Variants in PSEN2 observed in about 807,000 individuals in gnomAD.
PSEN2 encodes the protein presenilin 2, also known as presenilin-2.
Under a neutral mutation model 49.1 loss-of-function variants are expected in PSEN2, and 32 were observed. That is an observed-to-expected ratio of 0.65 (90% CI 0.49 to 0.88). PSEN2 has a LOEUF of 0.88. PSEN2 is among the 40% of genes least tolerant of loss of function. The probability of loss-of-function intolerance (pLI) is 0.00; values close to 1 mark genes in which losing one functional copy is unlikely to be tolerated. For synonymous variants in PSEN2, 255 were observed against 244.0 expected, an observed-to-expected ratio of 1.05 and a Z score of -0.42; for missense variants, 522 against 586.9, an observed-to-expected ratio of 0.89 and a Z score of 1.14.
rs1357870677 is a variant in PSEN2, at chr1:226,883,567, C to G, written c.142-138C>G. The G allele has an allele frequency of 7.5e-6, 6 of 801,446 alleles. No homozygotes were observed. In the East Asian group the frequency reaches 8.0e-5, roughly 11 times the overall value. The allele number at this position is 801,446 out of a possible 1,614,324, so 49.6% of individuals were successfully genotyped here. A position where few individuals can be genotyped will look rare whatever the true frequency, so the allele number is the denominator to read the frequency against. The stretch of plus-strand genomic sequence containing the variant: ...TGTCCTCACAAACTTTTCATATGCC[C>G]TAGTAGCTCATAGACTGCTCCTTAT... On this transcript the variant is annotated intron_variant, in intron 4 of 12. Coordinates refer to ENST00000366783, the MANE Select transcript of PSEN2 (RefSeq NM_000447.3).
At position 226,888,082 on chromosome 1, in the gene PSEN2, G is replaced by A. The variant is rs566651455; in HGVS notation, c.499-9G>A. The A allele has an allele frequency of 6.2e-7, 1 of 1,612,210 alleles. No homozygotes were observed. The highest frequency in any genetic ancestry group is 2.2e-5 in the East Asian group (1 of 44,874). On this transcript the variant is annotated splice_polypyrimidine_tract_variant and intron_variant, in intron 6 of 12. Transcript: ENST00000366783. The stretch of plus-strand genomic sequence containing the variant: ...GACACCTTGTGATCGTGCAATTTCT[G>A]TTGTCTAGTTCATCCATGGCTGGTT...
intron 3 of PSEN2, among the ~76,000 whole-genome samples, chr1:226,879,476 G>T (rs1376514461): frequency 2.6e-5 from 4 of 152,130 alleles, no homozygotes; most frequent in African/African-American, 7.2e-5. Context: ...GCTGCATTAA[G>T]CTCTTACTCC....
chr1:226,893,330 A>C lies in PSEN2; in HGVS notation c.1073-677A>C, dbSNP rs889963253. On this transcript the variant is annotated intron_variant, in intron 11 of 12. Coordinates refer to ENST00000366783, the MANE Select transcript of PSEN2 (RefSeq NM_000447.3). The stretch of plus-strand genomic sequence containing the variant: ...GATCACACCTGGTGGGGGAAGGAGG[A>C]CAGCTGGGGCCAGGAGCAGGAGGGA... Among the ~76,000 whole-genome samples, 26 of 152,340 alleles carry C rather than the reference A, an allele frequency of 1.7e-4. No individual in the cohort carries two copies. The South Asian group carries it at 2.5e-3, about 15-fold the overall frequency.
rs1558155812 is a variant in PSEN2 at position 226,895,490 on chromosome 1, ATCACGTTCGGGC to A, written c.1262_1273del (p.Thr421_Leu424del). Reference sequence around the variant, plus strand: ...GGCGCTGCCCGCCCTCCCCATCTCCATCACGTTCGGGCTCATCTTTTACTTCTCCACGGACAA... The same window carrying A: ...GGCGCTGCCCGCCCTCCCCATCTCCATCATCTTTTACTTCTCCACGGACAA... On this transcript the variant is annotated inframe_deletion, in exon 13 of 13. Transcript: ENST00000366783. 11 of 1,613,628 alleles carry A rather than the reference ATCACGTTCGGGC, an allele frequency of 6.8e-6. No individual in the cohort carries two copies. In the South Asian group the frequency reaches 1.2e-4, roughly 18 times the overall value.
At chr1:226,879,991 G>T (rs1211620290) in intron 3 of PSEN2, among the ~76,000 whole-genome samples, 1 of 152,238 alleles carries the variant, frequency 6.6e-6, no homozygotes, top group Non-Finnish European at 1.5e-5. Flanking sequence ...AGCCGGGGTT[G>T]CTGTCTTCAG....
At chr1:226,887,195 T>C (rs954165621) in intron 6 of PSEN2, among the ~76,000 whole-genome samples, 1 of 152,186 alleles carries the variant, frequency 6.6e-6, no homozygotes, top group South Asian at 2.1e-4. Context: ...TAGTAGGGCT[T>C]CCTTGGAGGT....
chr1:226,902,838 G>T (rs1410223344), intron 12 of PSEN2, among the ~76,000 whole-genome samples: 1 of 152,082 alleles, frequency 6.6e-6, no homozygotes, highest in African/African-American at 2.4e-5. Context: ...CAGCAGAGAT[G>T]GACAGCCAGG....
chr1:226,894,667 AC>A (rs767281549), intron 12 of PSEN2, among the ~76,000 whole-genome samples: 1 of 152,190 alleles, frequency 6.6e-6, no homozygotes, highest in Non-Finnish European at 1.5e-5. Context: ...TAATGGGGAG[AC>A]GTCCTGCCGT....
At chr1:226,876,893 C>G (rs182084017) in intron 3 of PSEN2, among the ~76,000 whole-genome samples, 5 of 152,308 alleles carry the variant, frequency 3.3e-5, no homozygotes, top group African/African-American at 1.2e-4. Flanking sequence ...TTTCCACACT[C>G]TCCTCCGCAG....
chr1:226,886,694 G>T (rs1661385843), intron 6 of PSEN2, among the ~76,000 whole-genome samples: 2 of 152,236 alleles, frequency 1.3e-5, no homozygotes, highest in South Asian at 2.1e-4. Context: ...AGGCTAGAGG[G>T]ATGGGACAGG....
chr1:226,874,627 T>C (rs6678839), intron 2 of PSEN2, among the ~76,000 whole-genome samples: 11,735 of 152,298 alleles, frequency 0.077, 1,197 homozygotes, highest in African/African-American at 0.24. Flanking sequence ...ACCGTGTCCT[T>C]TCTCACTGTG....
At position 226,888,902 on chromosome 1, in the gene PSEN2, G is replaced by T. The variant is rs574125890; in HGVS notation, c.640G>T (p.Val214Leu). The change falls in exon 8 of 13, where the codon GTG becomes TTG. Residue 214 changes from valine to leucine, a missense_variant. Coordinates refer to ENST00000366783, the MANE Select transcript of PSEN2 (RefSeq NM_000447.3). ...LLLTVWNFGA[V>L]GMVCIHWKGP... ...GCTGACTGTCTGGAACTTCGGGGCAGTGGGCATGGTGTGCATCCACTGGAA... is the reference window on the plus strand; with the variant it reads ...GCTGACTGTCTGGAACTTCGGGGCATTGGGCATGGTGTGCATCCACTGGAA... The T allele has an allele frequency of 6.8e-5, 109 of 1,614,238 alleles. No homozygotes were observed. In the East Asian group the frequency reaches 2.2e-3, roughly 33 times the overall value.
At chr1:226,877,268 C>T (rs915847581) in intron 3 of PSEN2, among the ~76,000 whole-genome samples, 2 of 152,216 alleles carry the variant, frequency 1.3e-5, no homozygotes, top group Non-Finnish European at 2.9e-5. Context: ...TGGAGATCTG[C>T]ATTGTTAATA....
intron 11 of PSEN2, among the ~76,000 whole-genome samples, chr1:226,892,556 C>T (rs982467317): frequency 3.9e-5 from 6 of 152,164 alleles, no homozygotes; most frequent in Non-Finnish European, 8.8e-5. Context: ...TGAGAGGTGC[C>T]TTACGGGAGC....
intron 8 of PSEN2, among the ~76,000 whole-genome samples, chr1:226,889,386 C>T (rs1445294604): frequency 2.6e-5 from 4 of 152,130 alleles, no homozygotes; most frequent in Non-Finnish European, 5.9e-5. Context: ...AAGTGATTCT[C>T]CTGCCTCAGC....
intron 2 of PSEN2, among the ~76,000 whole-genome samples, chr1:226,873,721 A>G (rs4653469): frequency 0.032 from 4,832 of 152,298 alleles, 139 homozygotes; most frequent in Admixed American, 0.088. Context: ...GGGCTGAGAT[A>G]ACCACTCTTA....
intron 2 of PSEN2, among the ~76,000 whole-genome samples, chr1:226,875,152 T>C (rs975882805): frequency 7.9e-5 from 12 of 152,044 alleles, no homozygotes; most frequent in Non-Finnish European, 1.8e-4. Flanking sequence ...GGGCAGTACC[T>C]CACTTCCCTT....
intron 11 of PSEN2, among the ~76,000 whole-genome samples, chr1:226,892,828 C>T (rs545853854): frequency 1.4e-4 from 21 of 152,280 alleles, no homozygotes; most frequent in Middle Eastern, 3.4e-3. Context: ...TGCTTCTGAC[C>T]GGCTGCAAAT....
At chr1:226,885,023 G>A (rs752926320) in intron 5 of PSEN2, among the ~76,000 whole-genome samples, 22 of 152,196 alleles carry the variant, frequency 1.4e-4, no homozygotes, top group Admixed American at 9.2e-4. Flanking sequence ...TGCAGCCAGC[G>A]GTTTGTTTGC....
Sources: allele counts gnomAD v4.1 joint callset (sites outside exome capture counted in the v4.1 genomes callset), GRCh38; gene constraint gnomAD v4.1.1; transcripts MANE v1.5; gene names NCBI Gene and HGNC (gene_info 2026-07-23, HGNC 2026-07-21).